The following DDX17 variants were observed in gnomAD, a reference collection of about 807,000 sequenced individuals.
DDX17 encodes DEAD-box helicase 17, also known as probable ATP-dependent RNA helicase DDX17.
Under a neutral mutation model 80.8 loss-of-function variants are expected in DDX17, and 10 were observed. The ratio of observed to expected loss-of-function variants is 0.12; its 90% CI spans 0.08 to 0.21. The LOEUF (loss-of-function observed/expected upper bound fraction) is 0.21, where lower values mean the gene tolerates loss of function less well. Ranked by LOEUF, DDX17 falls within the 10% of genes least tolerant of loss-of-function variation. The pLI is 1.00. For synonymous variants in DDX17, 339 were observed against 336.2 expected (o/e 1.01, Z -0.09); for missense variants, 586 against 957.4 (o/e 0.61, Z 5.12).
chr22:38,487,947 T>C lies in DDX17; in HGVS notation c.1616A>G (p.Glu539Gly), dbSNP rs750825722. Residue 539 changes from glutamate to glycine, a missense_variant, in exon 12 of 13, where the codon GAG becomes GGG. Physicochemically the swap from Glu to Gly is moderately conservative, Grantham distance 98. This residue lies in a region of DDX17 where 221 missense variants were observed against 261.4 expected (regional missense o/e 0.85). Transcript: ENST00000403230. Reference sequence around the variant, plus strand: ...TTTTGGATTGATAGCCTGATTGGCCTCTTCCAGCACTTTGATAAGCTCTCT... The same window carrying C: ...TTTTGGATTGATAGCCTGATTGGCCCCTTCCAGCACTTTGATAAGCTCTCT... 1 of 1,614,262 alleles carries C rather than the reference T, an allele frequency of 6.2e-7. No homozygotes were observed. Among genetic ancestry groups the C allele is most frequent in the Non-Finnish European group, 8.5e-7 (1 of 1,180,046 alleles).
chr22:38,501,155 T>C lies in DDX17; in HGVS notation c.413A>G (p.His138Arg). 6.2e-7 allele frequency: 1 copy of C among 1,613,968 alleles called. No individual in the cohort carries two copies. Among genetic ancestry groups the C allele is most frequent in the Non-Finnish European group, 8.5e-7 (1 of 1,179,990 alleles). ...TGGTGTCAGCCTTGCTACTTCCGGA[T>C]GTTCCACATAAAAATTTTTCTCAAA... Residue 138 changes from histidine (H) to arginine (R), a missense_variant, in exon 2 of 13, where the codon CAT (histidine) becomes CGT (arginine). Coordinates refer to ENST00000403230, the MANE Select transcript of DDX17 (RefSeq NM_006386.5).
In DDX17 at chr22:38,485,992, C is replaced by A. The variant is rs772180836; in HGVS notation, c.2133G>T (p.Gly711=). 8 of 1,613,768 alleles carry A rather than the reference C, an allele frequency of 5.0e-6. No individual in the cohort carries two copies. Among genetic ancestry groups the A allele is most frequent in the Non-Finnish European group, 5.9e-6 (7 of 1,179,970 alleles). Residue 711 remains glycine, a synonymous_variant, in exon 13 of 13, where the codon GGG becomes GGT. Transcript: ENST00000403230. ...GAGGAGGGTATTGGTAGGCAGTCTGCCCCATGTAACCTATCATATTGGTAG... is the reference window on the plus strand; with the variant it reads ...GAGGAGGGTATTGGTAGGCAGTCTGACCCATGTAACCTATCATATTGGTAG...
chr22:38,488,850 C>A (rs765431479), intron 11 of DDX17: 128 of 985,144 alleles, frequency 1.3e-4, no homozygotes, highest in Non-Finnish European at 1.5e-4. Context: ...GATATTTTTG[C>A]TCAACTCAAG....
At position 38,494,964 on chromosome 22, in the gene DDX17, G is replaced by GT; in HGVS notation, c.962dup (p.Tyr321Ter). The GT allele has an allele frequency of 6.2e-7, 1 of 1,614,194 alleles. No individual in the cohort carries two copies. Among genetic ancestry groups the GT allele is most frequent in the Non-Finnish European group, 8.5e-7 (1 of 1,180,036 alleles). The change falls in exon 7 of 13, where the codon TAC (tyrosine) becomes TAAC (stop). Residue 321 changes from tyrosine to a stop codon, truncating the protein, a stop_gained and frameshift_variant. Coordinates refer to ENST00000403230, the MANE Select transcript of DDX17 (RefSeq NM_006386.5). LOFTEE classifies it high-confidence loss of function. ...TTCTGTCAGCTTCGTCCAATACAAG[G>GT]TAAGTACATCGGCGAAGATTTGTCT...
chr22:38,504,776 A>C (rs1196892718), intron 1 of DDX17, among the ~76,000 whole-genome samples: 2 of 152,232 alleles, frequency 1.3e-5, no homozygotes, highest in African/African-American at 4.8e-5. Context: ...TACATCCATT[A>C]TCTCTTAATT....
chr22:38,494,184 G>A (rs1390262063), intron 8 of DDX17, 53 bp from the exon 9 acceptor site: 22 of 1,225,410 alleles, frequency 1.8e-5, no homozygotes, highest in African/African-American at 3.0e-5. Flanking sequence ...TTATGTGGAC[G>A]ATTATGTCTG....
At chr22:38,503,319 T>C (rs2089848920) in intron 1 of DDX17, among the ~76,000 whole-genome samples, 1 of 152,240 alleles carries the variant, frequency 6.6e-6, no homozygotes, top group African/African-American at 2.4e-5. Flanking sequence ...ACTTCATTGT[T>C]ATTGCCACAT....
At chr22:38,488,147 T>C in intron 11 of DDX17, 32 bp from the exon 12 acceptor site, 1 of 1,612,876 alleles carries the variant, frequency 6.2e-7, no homozygotes. Context: ...AGTGTGTAGG[T>C]TGATGTGGCA....
intron 1 of DDX17, among the ~76,000 whole-genome samples, chr22:38,503,795 T>C (rs1003969736): frequency 1.3e-5 from 2 of 152,260 alleles, no homozygotes; most frequent in African/African-American, 4.8e-5. Context: ...GTGAAATACA[T>C]GAACTGACCT....
intron 1 of DDX17, 148 bp downstream of exon 1, chr22:38,505,803 C>T (rs2089876114): frequency 1.9e-6 from 2 of 1,043,718 alleles, no homozygotes; most frequent in South Asian, 1.6e-5. Flanking sequence ...CCGAGGTCCG[C>T]GCACGAAACC....
Position 38,506,032 on chromosome 22 carries a change from G to A in DDX17, c.206C>T (p.Ala69Val). Residue 69 changes from alanine (A) to valine (V), a missense_variant, in exon 1 of 13, where the codon GCC becomes GTC. By Grantham distance (64) the Ala-to-Val change is moderately conservative. Around this residue, in one of 4 missense-constraint regions of DDX17, gnomAD observed 215 missense variants for 238.4 expected, o/e 0.90. Coordinates refer to ENST00000403230, the MANE Select transcript of DDX17 (RefSeq NM_006386.5). ...AAAAGGATAGAGATCTGGGAGCGGG[G>A]CACGGATGGCCGGGCTCGGGAGGGC... 1.9e-6 allele frequency: 3 copies of A among 1,588,620 alleles called. No individual in the cohort carries two copies. The highest frequency in any genetic ancestry group is 2.6e-6 in the Non-Finnish European group (3 of 1,168,276).
chr22:38,495,399 C>G (rs924427358), intron 6 of DDX17, among the ~76,000 whole-genome samples: 9 of 152,112 alleles, frequency 5.9e-5, no homozygotes, highest in African/African-American at 1.9e-4. Flanking sequence ...GCACCTGCCA[C>G]CACGCCTGGC....
chr22:38,493,906 G>T, intron 9 of DDX17, 115 bp downstream of exon 9: 1 of 1,203,150 alleles, frequency 8.3e-7, no homozygotes, highest in South Asian at 1.3e-5. Context: ...CTCATTAAAA[G>T]AGCAAACTGC....
intron 1 of DDX17, among the ~76,000 whole-genome samples, chr22:38,504,797 C>A (rs1245294594): frequency 3.3e-5 from 5 of 152,056 alleles, no homozygotes; most frequent in Non-Finnish European, 7.3e-5. Context: ...CCTGACAACA[C>A]AGCAAAGTAA....
In DDX17 at chr22:38,494,141, T is replaced by C. The variant is rs758397166; in HGVS notation, c.1215-10A>G. The C allele has an allele frequency of 4.5e-6, 7 of 1,556,424 alleles. No individual in the cohort carries two copies. The African/African-American group carries it at 6.8e-5, about 15-fold the overall frequency. On this transcript the variant is annotated splice_polypyrimidine_tract_variant and intron_variant, in intron 8 of 12. Transcript: ENST00000403230. Reference sequence around the variant, plus strand: ...CATTAGTTGGATCAACCTGAAAACATGACCAACAATGCAGTCATCACACAG... The same window carrying C: ...CATTAGTTGGATCAACCTGAAAACACGACCAACAATGCAGTCATCACACAG...
At position 38,494,807 on chromosome 22, in the gene DDX17, C is replaced by A. The variant is rs769515130; in HGVS notation, c.1042-5G>T. ...CATCAGTGTCTGCCTATCAGGCTAT[C>A]AAAAAAGGAAAGGCTTTCTTTCAGG... On this transcript the variant is annotated splice_region_variant and splice_polypyrimidine_tract_variant and intron_variant, in intron 7 of 12. Transcript: ENST00000403230. 7.4e-6 allele frequency: 12 copies of A among 1,611,662 alleles called. No individual in the cohort carries two copies. The highest frequency in any genetic ancestry group is 5.1e-6 in the Non-Finnish European group (6 of 1,179,420).
At chr22:38,491,931 C>A (rs2145692776) in intron 11 of DDX17, 125 bp downstream of exon 11, 2 of 609,294 alleles carry the variant, frequency 3.3e-6, no homozygotes, top group East Asian at 3.4e-5. Flanking sequence ...GTATTTTTTT[C>A]TTTCAAATAT....
chr22:38,489,603 C>G lies in DDX17; in HGVS notation c.1448-1488G>C. On this transcript the variant is annotated intron_variant, in intron 11 of 12. Coordinates refer to ENST00000403230, the MANE Select transcript of DDX17 (RefSeq NM_006386.5). This position sits in a 1 kb window ranked among gnomAD's most constrained non-coding sequence, Gnocchi z 4.6. ...TCTATTGCCCAGACTGGATTAATTTCAAGGGAGAAAGGGGAGATTAAAAAA... is the reference window on the plus strand; with the variant it reads ...TCTATTGCCCAGACTGGATTAATTTGAAGGGAGAAAGGGGAGATTAAAAAA... 1 of 984,492 alleles carries G rather than the reference C, an allele frequency of 1.0e-6. No homozygotes were observed. The highest frequency in any genetic ancestry group is 1.2e-6 in the Non-Finnish European group (1 of 829,642). The allele number at this position is 984,492 out of a possible 1,614,324, so 61.0% of individuals were successfully genotyped here. A position where few individuals can be genotyped will look rare whatever the true frequency, so the allele number is the denominator to read the frequency against.
At position 38,485,694 on chromosome 22, in the gene DDX17, AT is replaced by A. The variant is rs60461740; in HGVS notation, c.*240del. 469 of 147,056 alleles carry A rather than the reference AT, an allele frequency of 3.2e-3. 2 individuals are homozygous for A. The highest frequency in any genetic ancestry group is 7.4e-3 in the African/African-American group (277 of 37,596). The allele number at this position is 147,056 out of a possible 1,614,324, so 9.1% of individuals were successfully genotyped here. ...CAGTCAGCTATATATATATATATAT[AT>A]TTTTTTTTTTTTTACAAAATGTTAT... On this transcript the variant is annotated 3_prime_UTR_variant, in exon 13 of 13. Transcript: ENST00000403230.
Sources: allele counts gnomAD v4.1 joint callset (sites outside exome capture counted in the v4.1 genomes callset), GRCh38; gene constraint gnomAD v4.1.1; regional missense constraint gnomAD v4.1.1; non-coding constraint Gnocchi (gnomAD v3.1); transcripts MANE v1.5; gene names NCBI Gene and HGNC (gene_info 2026-07-23, HGNC 2026-07-21).